The following KHDRBS2 variants were observed in gnomAD, a reference collection of about 807,000 sequenced individuals.
KHDRBS2 encodes KH RNA binding domain containing, signal transduction associated 2, also known as KH domain-containing, RNA-binding, signal transduction-associated protein 2.
In KHDRBS2, 26 loss-of-function variants were observed where a neutral mutation model predicts 44.3. The ratio of observed to expected loss-of-function variants is 0.59; its 90% confidence interval spans 0.43 to 0.81. The LOEUF (loss-of-function observed/expected upper bound fraction) is 0.81, where lower values mean the gene tolerates loss of function less well. Ranked by LOEUF, KHDRBS2 falls within the 40% of genes least tolerant of loss-of-function variation. The pLI, the probability that KHDRBS2 is intolerant of heterozygous loss-of-function variation, is 0.00. For missense variants in KHDRBS2, 476 were observed against 433.1 expected (o/e 1.10, Z -0.88); for synonymous variants, 194 against 151.1 (o/e 1.28, Z -2.08).
the KHDRBS2 span, among the ~76,000 whole-genome samples, chr6:61,590,498 A>G: frequency 6.6e-6 from 1 of 152,204 alleles, no homozygotes; most frequent in East Asian, 1.9e-4. Context: ...TATATCATAT[A>G]CCACTATTAA....
the KHDRBS2 span, among the ~76,000 whole-genome samples, chr6:61,669,785 T>C: frequency 1.3e-5 from 2 of 151,030 alleles, no homozygotes; most frequent in Admixed American, 6.6e-5. Flanking sequence ...AAGATAAAGA[T>C]ATTTTGCTCA....
intron 6 of KHDRBS2, among the ~76,000 whole-genome samples, chr6:61,760,413 G>T (rs1364365187): frequency 6.6e-6 from 1 of 152,038 alleles, no homozygotes; most frequent in East Asian, 1.9e-4. Flanking sequence ...CAGGTGGATC[G>T]CTTGAGCACA....
At chr6:61,686,365 A>G (rs1766814776) in intron 8 of KHDRBS2, among the ~76,000 whole-genome samples, 1 of 151,766 alleles carries the variant, frequency 6.6e-6, no homozygotes. Context: ...GCTTTGAGCC[A>G]CTCAGTTTGT....
chr6:61,639,193 T>C, the KHDRBS2 span, among the ~76,000 whole-genome samples: 1 of 152,048 alleles, frequency 6.6e-6, no homozygotes, highest in South Asian at 2.1e-4. Flanking sequence ...CTCCCATATA[T>C]GGAAAAATGA....
chr6:61,731,452 C>G (rs1200475699), intron 7 of KHDRBS2, among the ~76,000 whole-genome samples: 1 of 152,098 alleles, frequency 6.6e-6, no homozygotes, highest in Non-Finnish European at 1.5e-5. Context: ...TCACACTCAT[C>G]TTATTTCTAA....
intron 4 of KHDRBS2, among the ~76,000 whole-genome samples, chr6:61,937,534 G>A (rs1317698200): frequency 1.3e-5 from 2 of 151,840 alleles, no homozygotes; most frequent in Non-Finnish European, 2.9e-5. Flanking sequence ...CTTCTTGGGG[G>A]ATTTTGTTAA....
chr6:61,983,874 C>T (rs1436884374), intron 3 of KHDRBS2, among the ~76,000 whole-genome samples: 1 of 152,140 alleles, frequency 6.6e-6, no homozygotes. Flanking sequence ...TTATTAGATT[C>T]TAATCTTTAT....
At chr6:61,766,610 C>T (rs1780049002) in intron 6 of KHDRBS2, among the ~76,000 whole-genome samples, 1 of 151,862 alleles carries the variant, frequency 6.6e-6, no homozygotes, top group Non-Finnish European at 1.5e-5. Context: ...CTATGAACTT[C>T]CCTCTTAGTA....
chr6:62,182,700 T>C (rs1319006006), intron 1 of KHDRBS2, among the ~76,000 whole-genome samples: 3 of 151,900 alleles, frequency 2.0e-5, no homozygotes, highest in African/African-American at 7.2e-5. Context: ...TAAAGGATTA[T>C]AGAAAATAGG....
chr6:61,707,988 A>G (rs1769869461), intron 7 of KHDRBS2, among the ~76,000 whole-genome samples: 1 of 151,680 alleles, frequency 6.6e-6, no homozygotes, highest in South Asian at 2.1e-4. Flanking sequence ...ATTTAAATAT[A>G]AAAAATATAT....
At chr6:62,204,011 C>T (rs1425546276) in intron 1 of KHDRBS2, among the ~76,000 whole-genome samples, 1 of 152,108 alleles carries the variant, frequency 6.6e-6, no homozygotes, top group Non-Finnish European at 1.5e-5. Flanking sequence ...GCTCCGCTTG[C>T]TTCTCTCATG....
chr6:61,825,266 T>C (rs533371887), intron 6 of KHDRBS2, among the ~76,000 whole-genome samples: 47 of 152,298 alleles, frequency 3.1e-4, no homozygotes, highest in African/African-American at 1.1e-3. Flanking sequence ...CACATTTTCT[T>C]TCTTGTGAAA....
At chr6:62,003,166 T>C (rs539554936) in intron 3 of KHDRBS2, among the ~76,000 whole-genome samples, 1 of 152,086 alleles carries the variant, frequency 6.6e-6, no homozygotes, top group African/African-American at 2.4e-5. Context: ...AGTCATGGGT[T>C]TCTAGTCCCA....
chr6:61,727,926 T>C (rs1046684187), intron 7 of KHDRBS2, among the ~76,000 whole-genome samples: 29 of 152,250 alleles, frequency 1.9e-4, no homozygotes, highest in Non-Finnish European at 3.7e-4. Context: ...TTACTGGGTA[T>C]GTACCCAAAG....
chr6:61,768,999 C>A (rs1780421335), intron 6 of KHDRBS2, among the ~76,000 whole-genome samples: 2 of 152,028 alleles, frequency 1.3e-5, no homozygotes, highest in East Asian at 1.9e-4. Flanking sequence ...ATTGCCAGTC[C>A]TTTTTGATTT....
the KHDRBS2 span, among the ~76,000 whole-genome samples, chr6:61,593,610 T>C: frequency 6.6e-6 from 1 of 152,102 alleles, no homozygotes; most frequent in Admixed American, 6.6e-5. Context: ...TGATTATTTG[T>C]ATAAAGTGCA....
At chr6:62,194,529 C>A (rs1825274668) in intron 1 of KHDRBS2, among the ~76,000 whole-genome samples, 1 of 87,566 alleles carries the variant, frequency 1.1e-5, no homozygotes. Flanking sequence ...GAGATGGAGT[C>A]TCTCTCTGTT....
At chr6:62,009,195 T>C (rs148813835) in intron 3 of KHDRBS2, among the ~76,000 whole-genome samples, 1 of 152,258 alleles carries the variant, frequency 6.6e-6, no homozygotes, top group Non-Finnish European at 1.5e-5. Flanking sequence ...GAGGAACTTG[T>C]TGGGAACTGG....
chr6:62,044,939 A>G (rs1787355844), intron 3 of KHDRBS2, among the ~76,000 whole-genome samples: 1 of 152,114 alleles, frequency 6.6e-6, no homozygotes, highest in Non-Finnish European at 1.5e-5. Flanking sequence ...CCTTGGACAT[A>G]TTACATTTCA....
Sources: gnomAD v4.1 joint callset for allele counts (sites outside exome capture counted in the v4.1 genomes callset) on GRCh38, gnomAD v4.1.1 for gene constraint, MANE v1.5 for transcripts, NCBI Gene and HGNC (gene_info 2026-07-23, HGNC 2026-07-21) for gene names.